The following MEMO1 variants were observed in gnomAD, a reference collection of about 807,000 sequenced individuals.
The protein encoded by MEMO1 is protein MEMO1.
In MEMO1, 6 loss-of-function variants were observed where a neutral mutation model predicts 45.2. That is an observed-to-expected ratio of 0.13 (90% CI 0.07 to 0.26). MEMO1 has a LOEUF of 0.26. Among genes scored for constraint, MEMO1 ranks in the 10% least tolerant of loss-of-function variants. The pLI is 1.00. For missense variants in MEMO1, 184 were observed against 370.5 expected, an observed-to-expected ratio of 0.50 and a Z score of 4.13; for synonymous variants, 78 against 124.3, an observed-to-expected ratio of 0.63 and a Z score of 2.48.
rs574134032 is a variant in MEMO1 at position 31,974,008 on chromosome 2, G to A, written c.62-30625C>T. On this transcript the variant is annotated intron_variant, in intron 2 of 9. Coordinates refer to ENST00000404530, the MANE Select transcript of MEMO1 (RefSeq NM_001301833.4). ...ATCAACAAAGAAAAAAGACAATTTA[G>A]ATAAATCTTTTTATAGGAGTTCATA... 1.7e-4 allele frequency among the ~76,000 whole-genome samples: 26 copies of A among 152,214 alleles called. 2 individuals are homozygous for A. In the South Asian group the frequency reaches 5.2e-3, roughly 30 times the overall value.
rs74321415 is a variant in MEMO1 at position 31,997,605 on chromosome 2, T to G, written c.61+12582A>C. Among the ~76,000 whole-genome samples the G allele has an allele frequency of 7.3e-3, 1,117 of 152,216 alleles. 17 individuals carry two copies. Among genetic ancestry groups the G allele is most frequent in the African/African-American group, 0.025 (1,048 of 41,524 alleles). ...CAGAATTAGTCAATCTTATGAAGTATCTGAAAAAGTCCTAAAGCAGGAATA... is the reference window on the plus strand; with the variant it reads ...CAGAATTAGTCAATCTTATGAAGTAGCTGAAAAAGTCCTAAAGCAGGAATA... On this transcript the variant is annotated intron_variant, in intron 2 of 9. Transcript: ENST00000404530.
chr2:31,975,385 G>C (rs879701361), intron 2 of MEMO1, among the ~76,000 whole-genome samples: 4 of 152,090 alleles, frequency 2.6e-5, no homozygotes, highest in African/African-American at 7.2e-5. Flanking sequence ...TCTTTGTGAC[G>C]GTCAGAGGAG....
chr2:31,983,780 G>A (rs937400107), intron 2 of MEMO1, among the ~76,000 whole-genome samples: 1 of 152,144 alleles, frequency 6.6e-6, no homozygotes, highest in African/African-American at 2.4e-5. Context: ...AGAAAGCAAG[G>A]CTCCTTGGAG....
intron 3 of MEMO1, among the ~76,000 whole-genome samples, chr2:31,932,417 C>G (rs761641171): frequency 6.6e-6 from 1 of 150,954 alleles, no homozygotes; most frequent in Admixed American, 6.6e-5. Context: ...CTATGTAACA[C>G]GATTATTGAG....
At chr2:31,979,525 T>G (rs1247758034) in intron 2 of MEMO1, among the ~76,000 whole-genome samples, 1 of 152,080 alleles carries the variant, frequency 6.6e-6, no homozygotes, top group Non-Finnish European at 1.5e-5. Context: ...TTTCAGAAAA[T>G]CATCAAAATT....
At chr2:31,903,709 T>C (rs1558490681) in intron 6 of MEMO1, among the ~76,000 whole-genome samples, 1 of 152,160 alleles carries the variant, frequency 6.6e-6, no homozygotes, top group Non-Finnish European at 1.5e-5. Context: ...AAAGTTACAT[T>C]TGCTCTAAAA....
At chr2:31,974,646 G>A (rs575922599) in intron 2 of MEMO1, among the ~76,000 whole-genome samples, 33 of 152,230 alleles carry the variant, frequency 2.2e-4, no homozygotes, top group African/African-American at 7.5e-4. Context: ...TTGGGAGGCT[G>A]AGGCAGGAGA....
At chr2:31,931,966 T>C in intron 4 of MEMO1, 101 bp downstream of exon 4, 2 of 946,336 alleles carry the variant, frequency 2.1e-6, no homozygotes, top group Non-Finnish European at 3.3e-6. Flanking sequence ...CCTCATGAAA[T>C]TGAGTACATA....
At chr2:31,891,888 CA>C in intron 7 of MEMO1, 103 bp downstream of exon 7, 1 of 1,227,122 alleles carries the variant, frequency 8.1e-7, no homozygotes, top group Non-Finnish European at 1.1e-6. Flanking sequence ...TAAAACTTTC[CA>C]AGGAAAGTGA....
At chr2:31,928,628 T>A (rs1572710377) in intron 4 of MEMO1, among the ~76,000 whole-genome samples, 1 of 151,996 alleles carries the variant, frequency 6.6e-6, no homozygotes, top group Admixed American at 6.6e-5. Context: ...AGAATCATTC[T>A]GTCAGTTTAA....
At chr2:31,957,505 T>G (rs1220784284) in intron 2 of MEMO1, among the ~76,000 whole-genome samples, 1 of 152,142 alleles carries the variant, frequency 6.6e-6, no homozygotes, top group Admixed American at 6.6e-5. Context: ...AACATATAGA[T>G]TACAGTAATT....
chr2:31,868,558 C>A, intron 9 of MEMO1, 66 bp from the exon 10 acceptor site: 1 of 1,438,870 alleles, frequency 6.9e-7, no homozygotes, highest in Non-Finnish European at 9.2e-7. Flanking sequence ...AATGTGTTTG[C>A]GGTTTGACTT....
chr2:31,954,835 G>GAA (rs200128212), intron 2 of MEMO1, among the ~76,000 whole-genome samples: 4 of 124,440 alleles, frequency 3.2e-5, no homozygotes, highest in African/African-American at 3.0e-5. Flanking sequence ...ACTCTGTTTT[G>GAA]AAAAAAAAAA....
intron 6 of MEMO1, among the ~76,000 whole-genome samples, chr2:31,902,658 T>C (rs1300252976): frequency 2.0e-5 from 3 of 152,190 alleles, no homozygotes; most frequent in African/African-American, 4.8e-5. Context: ...TTTTTTGTCT[T>C]ATAGCTTAAA....
At chr2:31,884,808 C>G (rs769512490) in intron 7 of MEMO1, among the ~76,000 whole-genome samples, 15 of 152,216 alleles carry the variant, frequency 9.9e-5, no homozygotes, top group Non-Finnish European at 1.5e-4. Flanking sequence ...AATATTGCAT[C>G]TTATAACTTA....
At chr2:31,975,989 C>A (rs1669960638) in intron 2 of MEMO1, among the ~76,000 whole-genome samples, 1 of 152,170 alleles carries the variant, frequency 6.6e-6, no homozygotes, top group South Asian at 2.1e-4. Context: ...CTCCCAGATT[C>A]AAGTGATTCT....
At position 31,919,584 on chromosome 2, in the gene MEMO1, C is replaced by G. The variant is rs557330710; in HGVS notation, c.325+1214G>C. On this transcript the variant is annotated intron_variant, in intron 5 of 9. Coordinates refer to ENST00000404530, the MANE Select transcript of MEMO1 (RefSeq NM_001301833.4). ...TGATAATCCCAGCACTTTGGGAGGCCAAGACAGGAGAATTGCTTGAGACCA... is the reference window on the plus strand; with the variant it reads ...TGATAATCCCAGCACTTTGGGAGGCGAAGACAGGAGAATTGCTTGAGACCA... Among the ~76,000 whole-genome samples, 3 of 152,066 alleles carry G rather than the reference C, an allele frequency of 2.0e-5. No homozygotes were observed. The South Asian group carries it at 6.2e-4, about 32-fold the overall frequency.
chr2:31,952,323 A>T (rs1186081060), intron 2 of MEMO1, among the ~76,000 whole-genome samples: 1 of 152,176 alleles, frequency 6.6e-6, no homozygotes, highest in East Asian at 1.9e-4. Context: ...GGCAATTAAC[A>T]ATCCCAATAA....
At position 31,893,379 on chromosome 2, in the gene MEMO1, C is replaced by T. The variant is rs943309603; in HGVS notation, c.438-1245G>A. 18 of 1,096,202 alleles carry T rather than the reference C, an allele frequency of 1.6e-5. No individual in the cohort carries two copies. In the African/African-American group the frequency reaches 3.1e-4, roughly 19 times the overall value. The allele number at this position is 1,096,202 out of a possible 1,614,324, so 67.9% of individuals were successfully genotyped here. ...GAGGAAGCTGCCACAGGATCTCTTT[C>T]TCTAACTGTTACCAGTTTGCTAAAT... On this transcript the variant is annotated intron_variant, in intron 6 of 9. Transcript: ENST00000404530.
Sources: gnomAD v4.1 joint callset for allele counts (sites outside exome capture counted in the v4.1 genomes callset) on GRCh38, gnomAD v4.1.1 for gene constraint, MANE v1.5 for transcripts, NCBI Gene and HGNC (gene_info 2026-07-23, HGNC 2026-07-21) for gene names.